Variants in NPAS2 observed in about 807,000 individuals in gnomAD.
NPAS2 encodes neuronal PAS domain-containing protein 2.
NPAS2 carries 23 observed loss-of-function variants against 107.5 expected under a neutral mutation model. The ratio of observed to expected loss-of-function variants is 0.21; its 90% CI spans 0.15 to 0.30. NPAS2 has a LOEUF of 0.30. Among genes scored for constraint, NPAS2 ranks in the 10% least tolerant of loss-of-function variants. The pLI, the probability that NPAS2 is intolerant of heterozygous loss-of-function variation, is 1.00. For missense variants in NPAS2, 756 were observed against 1,043.3 expected, an observed-to-expected ratio of 0.72 and a Z score of 3.79; for synonymous variants, 403 against 417.5, an observed-to-expected ratio of 0.97 and a Z score of 0.42.
chr2:100,896,608 G>A (rs942700140), intron 1 of NPAS2, among the ~76,000 whole-genome samples: 1 of 152,252 alleles, frequency 6.6e-6, no homozygotes. Flanking sequence ...TGCTGTCTGA[G>A]TGGATTTTCC....
chr2:100,818,988 G>A (rs1186367698), upstream of NPAS2, among the ~76,000 whole-genome samples: 1 of 152,156 alleles, frequency 6.6e-6, no homozygotes, highest in Non-Finnish European at 1.5e-5. Flanking sequence ...GAGCCCCGAA[G>A]GGCATCAGAC....
At chr2:100,873,301 TATATATACACACACACACACACACAC>T (rs1679725630) in intron 1 of NPAS2, among the ~76,000 whole-genome samples, 1 of 64,790 alleles carries the variant, frequency 1.5e-5, no homozygotes, top group Non-Finnish European at 2.5e-5. Flanking sequence ...TATATATATA[TATATATACACACACACACACACACAC>T]ACACACACAC....
chr2:100,938,506 C>T (rs1385059704), intron 5 of NPAS2, among the ~76,000 whole-genome samples: 1 of 151,700 alleles, frequency 6.6e-6, no homozygotes, highest in Non-Finnish European at 1.5e-5. Flanking sequence ...TGTCCCTCCC[C>T]ACTCTTTCCC....
intron 3 of NPAS2, among the ~76,000 whole-genome samples, chr2:100,931,263 C>G (rs536207260): frequency 6.6e-6 from 1 of 152,140 alleles, no homozygotes; most frequent in Non-Finnish European, 1.5e-5. Flanking sequence ...GTTTCTTCTC[C>G]TGGGTTTCTT....
chr2:100,879,137 C>T (rs1680172737), intron 1 of NPAS2, among the ~76,000 whole-genome samples: 1 of 150,958 alleles, frequency 6.6e-6, no homozygotes, highest in Non-Finnish European at 1.5e-5. Context: ...AAAAAAAAAG[C>T]CTTCTAAATA....
Position 100,856,957 on chromosome 2 carries a change from G to A in NPAS2, c.-23+36543G>A, listed in dbSNP as rs541742166. ...TAGGGCGTGCATTTCTGCCAGAATT[G>A]GGAGTGGCTGGTGCGGCATGGATAG... On this transcript the variant is annotated intron_variant, in intron 1 of 20. Transcript: ENST00000335681. Among the ~76,000 whole-genome samples, 5 of 152,292 alleles carry A rather than the reference G, an allele frequency of 3.3e-5. No homozygotes were observed. The East Asian group carries it at 9.7e-4, about 29-fold the overall frequency.
chr2:100,912,744 T>A (rs1249636126), intron 2 of NPAS2, among the ~76,000 whole-genome samples: 1 of 152,270 alleles, frequency 6.6e-6, no homozygotes, highest in African/African-American at 2.4e-5. Context: ...GGAAGCTCTA[T>A]CTCCTCTTAG....
chr2:100,819,053 G>A (rs1205372019), upstream of NPAS2, among the ~76,000 whole-genome samples: 2 of 152,028 alleles, frequency 1.3e-5, no homozygotes, highest in South Asian at 2.1e-4. The surrounding 1 kb of genome is among the most constrained non-coding windows in gnomAD (Gnocchi z 5.8). Flanking sequence ...TCCGCTTGGC[G>A]TTTGCGGGAA....
chr2:100,932,814 T>A (rs1238303133), intron 3 of NPAS2, 96 bp from the exon 4 acceptor site: 2 of 849,404 alleles, frequency 2.4e-6, no homozygotes, highest in African/African-American at 3.4e-5. Context: ...CACAGAAGTT[T>A]ACACAAAATT....
At position 100,877,050 on chromosome 2, in the gene NPAS2, C is replaced by T. The variant is rs546990226; in HGVS notation, c.-22-27683C>T. Among the ~76,000 whole-genome samples, 8 of 152,346 alleles carry T rather than the reference C, an allele frequency of 5.3e-5. No individual in the cohort carries two copies. In the East Asian group the frequency reaches 9.6e-4, roughly 18 times the overall value. ...CCCTCCTCGGGGCCCTCTCCATCAA[C>T]GTCATGGATCAAGTTCCTCCTGATG... On this transcript the variant is annotated intron_variant, in intron 1 of 20. Coordinates refer to ENST00000335681, the MANE Select transcript of NPAS2 (RefSeq NM_002518.4).
chr2:100,891,247 G>A (rs1183091565), intron 1 of NPAS2, among the ~76,000 whole-genome samples: 5 of 149,066 alleles, frequency 3.4e-5, no homozygotes, highest in Admixed American at 6.7e-5. Flanking sequence ...AAAAAAAAAA[G>A]AAGTGAGGAT....
At chr2:100,878,814 T>G (rs969445445) in intron 1 of NPAS2, among the ~76,000 whole-genome samples, 4 of 152,132 alleles carry the variant, frequency 2.6e-5, no homozygotes, top group Non-Finnish European at 5.9e-5. Context: ...ACACTGTAAA[T>G]TATTTAAAAG....
At chr2:100,898,279 G>A (rs752335948) in intron 1 of NPAS2, among the ~76,000 whole-genome samples, 6 of 151,934 alleles carry the variant, frequency 3.9e-5, no homozygotes, top group Non-Finnish European at 5.9e-5. Context: ...CAGACGACTC[G>A]TGGCCTCAGG....
intron 1 of NPAS2, among the ~76,000 whole-genome samples, chr2:100,867,096 G>C (rs941555286): frequency 6.6e-6 from 1 of 152,198 alleles, no homozygotes; most frequent in Non-Finnish European, 1.5e-5. Flanking sequence ...ATAGTCTACT[G>C]TGACCTAAAA....
rs187065906 is a variant in NPAS2 at position 100,870,183 on chromosome 2, G to A, written c.-22-34550G>A. Among the ~76,000 whole-genome samples the A allele has an allele frequency of 1.5e-3, 231 of 152,206 alleles. 2 individuals are homozygous for A. The highest frequency in any genetic ancestry group is 5.3e-3 in the African/African-American group (220 of 41,542). Reference sequence around the variant, plus strand: ...CAAAGTGCTGGGATTACAGGCGTGAGCCACCGCACCTGGCCCAGACTCCTG... The same window carrying A: ...CAAAGTGCTGGGATTACAGGCGTGAACCACCGCACCTGGCCCAGACTCCTG... On this transcript the variant is annotated intron_variant, in intron 1 of 20. Coordinates refer to ENST00000335681, the MANE Select transcript of NPAS2 (RefSeq NM_002518.4).
chr2:100,938,789 A>G (rs1027858562), intron 5 of NPAS2, among the ~76,000 whole-genome samples: 12 of 152,074 alleles, frequency 7.9e-5, no homozygotes, highest in South Asian at 6.3e-4. Flanking sequence ...ACACAGCATC[A>G]TTGTGAATGA....
chr2:100,854,936 A>G (rs554398170), intron 1 of NPAS2, among the ~76,000 whole-genome samples: 1 of 152,338 alleles, frequency 6.6e-6, no homozygotes, highest in Non-Finnish European at 1.5e-5. Context: ...TGTAAAGTGC[A>G]TACTGGATTT....
chr2:100,885,910 C>G (rs974723027), intron 1 of NPAS2, among the ~76,000 whole-genome samples: 2 of 152,364 alleles, frequency 1.3e-5, no homozygotes, highest in East Asian at 3.9e-4. Flanking sequence ...ATCTGCCTGC[C>G]TCAGCCTCCC....
chr2:100,991,704 A>G (rs1171776632), intron 19 of NPAS2, among the ~76,000 whole-genome samples: 2 of 152,132 alleles, frequency 1.3e-5, no homozygotes, highest in Admixed American at 1.3e-4. Context: ...TTTTATCCCG[A>G]TAAAAACCCT....
Sources: gnomAD v4.1 joint callset for allele counts (sites outside exome capture counted in the v4.1 genomes callset) on GRCh38, gnomAD v4.1.1 for gene constraint, Gnocchi (gnomAD v3.1) non-coding constraint, MANE v1.5 for transcripts, NCBI Gene and HGNC (gene_info 2026-07-23, HGNC 2026-07-21) for gene names.